ARHGAP35: variants seen among roughly 807,000 people sequenced by gnomAD.
The protein encoded by ARHGAP35 is Rho GTPase activating protein 35.
Under a neutral mutation model 111.1 loss-of-function variants are expected in ARHGAP35, and 15 were observed. The ratio of observed to expected loss-of-function variants is 0.13; its 90% CI spans 0.09 to 0.21. ARHGAP35 has a LOEUF of 0.21. Ranked by LOEUF, ARHGAP35 falls within the 10% of genes least tolerant of loss-of-function variation. The pLI, the probability that ARHGAP35 is intolerant of heterozygous loss-of-function variation, is 1.00. For missense variants in ARHGAP35, 1,262 were observed against 1,873.0 expected (o/e 0.67, Z 6.02); for synonymous variants, 643 against 710.3 (o/e 0.91, Z 1.51).
intron 3 of ARHGAP35, among the ~76,000 whole-genome samples, chr19:46,962,134 T>A (rs2056487068): frequency 6.6e-6 from 1 of 152,202 alleles, no homozygotes; most frequent in South Asian, 2.1e-4. Flanking sequence ...GGTCATTGTG[T>A]GAAAATCCAT....
At chr19:46,944,600 G>A (rs2056368015) in intron 3 of ARHGAP35, among the ~76,000 whole-genome samples, 2 of 152,196 alleles carry the variant, frequency 1.3e-5, no homozygotes, top group African/African-American at 2.4e-5. Flanking sequence ...AGGAGAGGAT[G>A]CAAGAGCTGG....
At chr19:46,932,220 T>G (rs2056276855) in intron 2 of ARHGAP35, among the ~76,000 whole-genome samples, 1 of 152,132 alleles carries the variant, frequency 6.6e-6, no homozygotes, top group South Asian at 2.1e-4. Flanking sequence ...AGGCGGAGGT[T>G]GTAGTGAGCC....
rs763064204 is a variant in ARHGAP35, at chr19:46,920,730, G to A, written c.2055G>A (p.Thr685=). The change falls in exon 2 of 7, where the codon ACG becomes ACA. Residue 685 remains threonine (T), a synonymous_variant. Transcript: ENST00000672722. The surrounding 1 kb of genome is among the most constrained non-coding windows in gnomAD (Gnocchi z 7.0). ...VESIEKSRES[T]LGRRDNHLVH... is the part of the protein sequence containing the mutation. ...GTATAGAGAAGAGTAGAGAGTCCAC[G>A]CTGGGCCGGCGGGATAATCATTTAG... 12 of 1,612,722 alleles carry A rather than the reference G, an allele frequency of 7.4e-6. No homozygotes were observed. The highest frequency in any genetic ancestry group is 1.7e-5 in the Admixed American group (1 of 59,740).
chr19:46,982,917 G>A (rs2056628378), intron 3 of ARHGAP35, among the ~76,000 whole-genome samples: 1 of 151,728 alleles, frequency 6.6e-6, no homozygotes, highest in African/African-American at 2.4e-5. Context: ...AGGTGTGGTG[G>A]TGCACACCTA....
At position 46,918,966 on chromosome 19, in the gene ARHGAP35, T is replaced by G; in HGVS notation, c.291T>G (p.Thr97=). The change falls in exon 2 of 7, where the codon ACT becomes ACG. Residue 97 remains threonine, a synonymous_variant. Transcript: ENST00000672722. The surrounding 1 kb of genome is among the most constrained non-coding windows in gnomAD (Gnocchi z 5.4). ...VECKMHIVEQ[T]EFIDDQTFQP... is the part of the protein sequence containing the mutation. ...GTAAGATGCACATTGTGGAGCAGAC[T>G]GAATTTATTGATGATCAGACTTTTC... The G allele has an allele frequency of 1.2e-6, 2 of 1,613,996 alleles. No individual in the cohort carries two copies. The highest frequency in any genetic ancestry group is 2.2e-5 in the South Asian group (2 of 91,086).
At chr19:46,987,475 A>G (rs2056657364) in intron 3 of ARHGAP35, among the ~76,000 whole-genome samples, 1 of 149,130 alleles carries the variant, frequency 6.7e-6, no homozygotes, top group Admixed American at 6.7e-5. Flanking sequence ...TCAGCCTTCC[A>G]AAGTGCTGGG....
chr19:46,977,146 C>T (rs958121710), intron 3 of ARHGAP35, among the ~76,000 whole-genome samples: 11 of 152,232 alleles, frequency 7.2e-5, no homozygotes, highest in African/African-American at 2.7e-4. Flanking sequence ...CCAGCTTCTG[C>T]AGGGGGCGTG....
chr19:46,987,948 C>T (rs1474456339), intron 3 of ARHGAP35, 41 bp from the exon 4 acceptor site: 3 of 1,600,686 alleles, frequency 1.9e-6, no homozygotes, highest in African/African-American at 2.7e-5. Flanking sequence ...ATTCTCTGCT[C>T]TCCAGTTCCT....
intron 1 of ARHGAP35, among the ~76,000 whole-genome samples, chr19:46,867,645 G>C (rs1199396479): frequency 6.6e-6 from 1 of 152,176 alleles, no homozygotes; most frequent in Non-Finnish European, 1.5e-5. Flanking sequence ...TCCTGAGGAT[G>C]AGGAGCCTCT....
chr19:47,002,090 C>T lies in ARHGAP35; in HGVS notation c.*1402C>T. On this transcript the variant is annotated 3_prime_UTR_variant, in exon 7 of 7. Coordinates refer to ENST00000672722, the MANE Select transcript of ARHGAP35 (RefSeq NM_004491.5). ...CACCTCTGCCCCCCAGCACCTCAAACTTGCATGGCTGGGCTGTGGCCTCTG... is the reference window on the plus strand; with the variant it reads ...CACCTCTGCCCCCCAGCACCTCAAATTTGCATGGCTGGGCTGTGGCCTCTG... The T allele has an allele frequency of 6.5e-6, 1 of 153,164 alleles. No homozygotes were observed. The highest frequency in any genetic ancestry group is 1.9e-4 in the East Asian group (1 of 5,184). The allele number at this position is 153,164 out of a possible 1,614,324, so 9.5% of individuals were successfully genotyped here.
Position 46,997,963 on chromosome 19 carries a change from G to A in ARHGAP35, c.4037-1341G>A, listed in dbSNP as rs549560949. On this transcript the variant is annotated intron_variant, in intron 5 of 6. Transcript: ENST00000672722. ...TAAAAATACGAAAAAATTAGCCGGC[G>A]TGGTGGCGGGCACCTGTAATCCCAG... is the stretch of plus-strand genomic sequence containing the variant. Among the ~76,000 whole-genome samples the A allele has an allele frequency of 1.4e-3, 213 of 152,168 alleles. 1 individual carries two copies. The South Asian group carries it at 0.023, about 17-fold the overall frequency.
In ARHGAP35 at chr19:46,861,102, C is replaced by T. The variant is rs1568455412; in HGVS notation, c.-296C>T. On this transcript the variant is annotated 5_prime_UTR_variant, in exon 1 of 7. Transcript: ENST00000672722. ...GGCCCCCCGCCGCCGGAGCCGCCGC[C>T]GCCGCCTCAGCCGCCGCTGGACTAG... Among the ~76,000 whole-genome samples, 1 of 151,398 alleles carries T rather than the reference C, an allele frequency of 6.6e-6. No individual in the cohort carries two copies. The highest frequency in any genetic ancestry group is 1.5e-5 in the Non-Finnish European group (1 of 67,612).
intron 1 of ARHGAP35, among the ~76,000 whole-genome samples, chr19:46,869,391 A>G (rs2055875521): frequency 6.6e-6 from 1 of 152,016 alleles, no homozygotes; most frequent in African/African-American, 2.4e-5. Context: ...CCTAACCCCC[A>G]GAGGTAAAGG....
chr19:46,977,262 C>T (rs971695548), intron 3 of ARHGAP35, among the ~76,000 whole-genome samples: 2 of 152,076 alleles, frequency 1.3e-5, no homozygotes, highest in Admixed American at 6.5e-5. Flanking sequence ...CTGGCTGTGG[C>T]GAAATAATGA....
intron 5 of ARHGAP35, among the ~76,000 whole-genome samples, chr19:46,991,415 A>G (rs528638457): frequency 6.6e-6 from 1 of 152,226 alleles, no homozygotes; most frequent in East Asian, 1.9e-4. Context: ...CTTTTTGTGT[A>G]GGGTTGTGGG....
rs940807464 is a variant in ARHGAP35, at chr19:47,002,605, C to G, written c.*1917C>G. On this transcript the variant is annotated 3_prime_UTR_variant, in exon 7 of 7. Coordinates refer to ENST00000672722, the MANE Select transcript of ARHGAP35 (RefSeq NM_004491.5). The stretch of plus-strand genomic sequence containing the variant: ...GTTGGCAGAAACGTTCCCAAACTCC[C>G]CCAGCCCTGGACCCCAGCAGATGAG... The G allele has an allele frequency of 6.6e-6, 1 of 152,322 alleles. No individual in the cohort carries two copies. The highest frequency in any genetic ancestry group is 2.4e-5 in the African/African-American group (1 of 41,550). 9.4% of individuals were successfully genotyped at this position (152,322 alleles called of 1,614,324 possible). A position where few individuals can be genotyped will look rare whatever the true frequency, so the allele number is the denominator to read the frequency against.
At chr19:46,878,066 G>A (rs2055935606) in intron 1 of ARHGAP35, among the ~76,000 whole-genome samples, 1 of 151,934 alleles carries the variant, frequency 6.6e-6, no homozygotes, top group Non-Finnish European at 1.5e-5. Context: ...TTGTTGCCCA[G>A]GCTAGAGAGT....
At chr19:46,881,813 T>C (rs1187542221) in intron 1 of ARHGAP35, among the ~76,000 whole-genome samples, 1 of 152,226 alleles carries the variant, frequency 6.6e-6, no homozygotes, top group Non-Finnish European at 1.5e-5. Flanking sequence ...CTAGATGGCA[T>C]CTTTTTCCAA....
At chr19:46,871,377 C>T (rs576942924) in intron 1 of ARHGAP35, among the ~76,000 whole-genome samples, 1 of 152,242 alleles carries the variant, frequency 6.6e-6, no homozygotes, top group East Asian at 1.9e-4. Flanking sequence ...GAGTCTTGCT[C>T]TGTCACCCAG....
Sources: allele counts gnomAD v4.1 joint callset (sites outside exome capture counted in the v4.1 genomes callset), GRCh38; gene constraint gnomAD v4.1.1; non-coding constraint Gnocchi (gnomAD v3.1); transcripts MANE v1.5; gene names NCBI Gene and HGNC (gene_info 2026-07-23, HGNC 2026-07-21).